PARD3B: variants seen among roughly 807,000 people sequenced by gnomAD.
PARD3B encodes the protein partitioning defective 3 homolog B.
In PARD3B, 103 loss-of-function variants were observed where a neutral mutation model predicts 130.2. That is an observed-to-expected ratio of 0.79 (90% CI 0.67 to 0.93). The LOEUF (loss-of-function observed/expected upper bound fraction) is 0.93. Among genes scored for constraint, PARD3B ranks in the 40% least tolerant of loss-of-function variants. The pLI is 0.00. For missense variants in PARD3B, 1,609 were observed against 1,499.2 expected (o/e 1.07, Z -1.21); for synonymous variants, 583 against 553.2 (o/e 1.05, Z -0.76).
At chr2:205,538,717 C>T (rs1273479150) in intron 21 of PARD3B, among the ~76,000 whole-genome samples, 1 of 152,188 alleles carries the variant, frequency 6.6e-6, no homozygotes, top group Non-Finnish European at 1.5e-5. Context: ...TAAGCCAGAT[C>T]TGCTCAGGGG....
At chr2:204,774,846 C>T (rs1356437330) in intron 2 of PARD3B, among the ~76,000 whole-genome samples, 1 of 152,090 alleles carries the variant, frequency 6.6e-6, no homozygotes, top group African/African-American at 2.4e-5. Flanking sequence ...TATTACTCTT[C>T]AGTTATTCAC....
At chr2:205,574,889 G>A (rs2053693725) in intron 22 of PARD3B, among the ~76,000 whole-genome samples, 1 of 146,898 alleles carries the variant, frequency 6.8e-6, no homozygotes, top group Non-Finnish European at 1.5e-5. Context: ...AAAGAAAGAA[G>A]TCATACCAAA....
At position 205,321,281 on chromosome 2, in the gene PARD3B, T is replaced by G. The variant is rs2042742800; in HGVS notation, c.2630+19580T>G. Among the ~76,000 whole-genome samples the G allele has an allele frequency of 1.3e-5, 2 of 152,198 alleles. No homozygotes were observed. The highest frequency in any genetic ancestry group is 2.9e-5 in the Non-Finnish European group (2 of 68,030). ...TATATTCTTTGATTCATTTTCTTAT[T>G]TATGTCTTTTTAACCTCAAAACTTA... On this transcript the variant is annotated intron_variant, in intron 18 of 22. Coordinates refer to ENST00000406610, the MANE Select transcript of PARD3B (RefSeq NM_001302769.2). This position sits in a 1 kb window ranked among gnomAD's most constrained non-coding sequence, Gnocchi z 4.2.
intron 22 of PARD3B, among the ~76,000 whole-genome samples, chr2:205,593,003 A>G (rs1023314997): frequency 5.3e-5 from 8 of 152,130 alleles, no homozygotes; most frequent in African/African-American, 1.9e-4. Context: ...TACCTTTTTT[A>G]TATACTTTAT....
intron 2 of PARD3B, among the ~76,000 whole-genome samples, chr2:204,908,937 T>G (rs1349444571): frequency 3.3e-5 from 5 of 152,168 alleles, no homozygotes; most frequent in Non-Finnish European, 7.4e-5. Flanking sequence ...CATGAGACCT[T>G]AAGGCCCATA....
intron 18 of PARD3B, among the ~76,000 whole-genome samples, chr2:205,380,434 T>TAA (rs1247862047): frequency 2.2e-5 from 1 of 44,580 alleles, no homozygotes; most frequent in Non-Finnish European, 3.6e-5. Flanking sequence ...ATATTATATA[T>TAA]TATATAAAGA....
chr2:204,877,324 C>G (rs1387134680), intron 2 of PARD3B, among the ~76,000 whole-genome samples: 2 of 151,928 alleles, frequency 1.3e-5, no homozygotes, highest in Non-Finnish European at 2.9e-5. Flanking sequence ...TGCAGCACAC[C>G]AACATGGCAC....
chr2:204,646,677 G>C (rs2035286581), intron 1 of PARD3B, among the ~76,000 whole-genome samples: 1 of 151,898 alleles, frequency 6.6e-6, no homozygotes, highest in African/African-American at 2.4e-5. Context: ...CCACTTCCCA[G>C]ATAATGAGAA....
chr2:204,630,103 T>C (rs1331300895), intron 1 of PARD3B, among the ~76,000 whole-genome samples: 1 of 152,214 alleles, frequency 6.6e-6, no homozygotes, highest in Non-Finnish European at 1.5e-5. Flanking sequence ...TTATGATTTG[T>C]ATAGATGATA....
At chr2:204,681,449 C>A (rs892305245) in intron 1 of PARD3B, among the ~76,000 whole-genome samples, 5 of 152,190 alleles carry the variant, frequency 3.3e-5, no homozygotes, top group Non-Finnish European at 7.3e-5. Flanking sequence ...TTCAAACAGC[C>A]TCAGCCCATG....
At chr2:204,866,775 G>A (rs957211749) in intron 2 of PARD3B, among the ~76,000 whole-genome samples, 4 of 152,032 alleles carry the variant, frequency 2.6e-5, no homozygotes, top group East Asian at 3.9e-4. Context: ...ATTCAGGGGC[G>A]TAATCGTTTG....
intron 21 of PARD3B, among the ~76,000 whole-genome samples, chr2:205,520,465 C>T (rs1305091457): frequency 2.0e-5 from 3 of 152,160 alleles, no homozygotes; most frequent in Admixed American, 6.5e-5. Flanking sequence ...CCTGGAGGCT[C>T]TCTGTCCAGG....
At chr2:204,752,735 G>A (rs2040513292) in intron 2 of PARD3B, among the ~76,000 whole-genome samples, 1 of 152,028 alleles carries the variant, frequency 6.6e-6, no homozygotes, top group African/African-American at 2.4e-5. Context: ...TTTGAAAGGG[G>A]TATAATTTAT....
At chr2:205,419,360 T>A (rs1379010146) in intron 19 of PARD3B, among the ~76,000 whole-genome samples, 2 of 152,118 alleles carry the variant, frequency 1.3e-5, no homozygotes, top group Non-Finnish European at 2.9e-5. Context: ...CCACTAGCCA[T>A]GTAAAACTGT....
At chr2:204,942,563 A>G (rs914196152) in intron 2 of PARD3B, among the ~76,000 whole-genome samples, 1 of 152,140 alleles carries the variant, frequency 6.6e-6, no homozygotes, top group Non-Finnish European at 1.5e-5. Flanking sequence ...ACCTCTTTCC[A>G]CAAATTTGGA....
chr2:204,658,656 AAC>A (rs1448419161), intron 1 of PARD3B, among the ~76,000 whole-genome samples: 1 of 152,172 alleles, frequency 6.6e-6, no homozygotes, highest in Non-Finnish European at 1.5e-5. Context: ...TGTAGGACTT[AAC>A]ACAGGTTATT....
chr2:205,248,418 G>GGCGGCA (rs2039668103), intron 16 of PARD3B, among the ~76,000 whole-genome samples: 2 of 150,778 alleles, frequency 1.3e-5, no homozygotes, highest in African/African-American at 4.9e-5. Context: ...TGGTGGTGGC[G>GGCGGCA]GCAGCAGCAG....
rs919063956 is a variant in PARD3B at position 205,142,977 on chromosome 2, G to T, written c.1435-15745G>T. Among the ~76,000 whole-genome samples the T allele has an allele frequency of 6.6e-5, 10 of 152,174 alleles. 1 individual carries two copies. The highest frequency in any genetic ancestry group is 2.4e-4 in the African/African-American group (10 of 41,432). ...ATCATCAGAATGGGAAAACATAAGT[G>T]AAATGGGAGCTGCGAGAAGGGCATA... On this transcript the variant is annotated intron_variant, in intron 10 of 22. Coordinates refer to ENST00000406610, the MANE Select transcript of PARD3B (RefSeq NM_001302769.2). The surrounding 1 kb of genome is among the most constrained non-coding windows in gnomAD (Gnocchi z 4.3).
chr2:205,396,322 C>G (rs116739965), intron 18 of PARD3B, among the ~76,000 whole-genome samples: 2,784 of 152,244 alleles, frequency 0.018, 82 homozygotes, highest in African/African-American at 0.062. Flanking sequence ...AATTTCATGA[C>G]GATATTGTGT....
Sources: allele counts gnomAD v4.1 joint callset (sites outside exome capture counted in the v4.1 genomes callset), GRCh38; gene constraint gnomAD v4.1.1; non-coding constraint Gnocchi (gnomAD v3.1); transcripts MANE v1.5; gene names NCBI Gene and HGNC (gene_info 2026-07-23, HGNC 2026-07-21).